Variants in PSMD1 observed in about 807,000 individuals in gnomAD.
The protein encoded by PSMD1 is proteasome 26S subunit, non-ATPase 1, also known as 26S proteasome non-ATPase regulatory subunit 1.
A neutral mutation model predicts 119.0 loss-of-function variants in PSMD1; 18 were observed. The ratio of observed to expected loss-of-function variants is 0.15; its 90% CI spans 0.10 to 0.22. The LOEUF (loss-of-function observed/expected upper bound fraction) is 0.22. PSMD1 is among the 10% of genes least tolerant of loss of function. The probability of loss-of-function intolerance (pLI) is 1.00; values close to 1 mark genes in which losing one functional copy is unlikely to be tolerated. For missense variants in PSMD1, 702 were observed against 1,158.5 expected, an observed-to-expected ratio of 0.61 and a Z score of 5.72; for synonymous variants, 374 against 396.6, an observed-to-expected ratio of 0.94 and a Z score of 0.68.
intron 11 of PSMD1, 85 bp downstream of exon 11, chr2:231,079,699 T>G: frequency 1.2e-6 from 1 of 843,964 alleles, no homozygotes; most frequent in African/African-American, 1.7e-5. Context: ...TTATTATAAT[T>G]CATTAACAAG....
At chr2:231,114,296 T>C (rs1695258154) in intron 16 of PSMD1, among the ~76,000 whole-genome samples, 1 of 152,194 alleles carries the variant, frequency 6.6e-6, no homozygotes, top group East Asian at 1.9e-4. Context: ...AATTTATTTT[T>C]AAGTAGCTGT....
intron 16 of PSMD1, among the ~76,000 whole-genome samples, chr2:231,099,184 G>T (rs1288085621): frequency 6.6e-6 from 1 of 152,104 alleles, no homozygotes; most frequent in Non-Finnish European, 1.5e-5. Context: ...CCCATGCGCT[G>T]GAATTTTTAG....
intron 19 of PSMD1, among the ~76,000 whole-genome samples, chr2:231,160,862 G>A (rs776904387): frequency 2.6e-5 from 4 of 152,178 alleles, no homozygotes; most frequent in Non-Finnish European, 5.9e-5. Flanking sequence ...CTGCACATAT[G>A]AATTGTGCTT....
At chr2:231,098,722 AC>A (rs1694790422) in intron 16 of PSMD1, among the ~76,000 whole-genome samples, 1 of 152,074 alleles carries the variant, frequency 6.6e-6, no homozygotes, top group South Asian at 2.1e-4. Flanking sequence ...ATGGACATTA[AC>A]TCGACCCAAG....
intron 19 of PSMD1, among the ~76,000 whole-genome samples, chr2:231,156,255 G>A (rs1696502437): frequency 6.6e-6 from 1 of 152,060 alleles, no homozygotes; most frequent in Non-Finnish European, 1.5e-5. Flanking sequence ...GTTTCCATAT[G>A]TCCCCTTTGC....
intron 16 of PSMD1, among the ~76,000 whole-genome samples, chr2:231,112,894 G>A (rs1477191456): frequency 1.3e-5 from 2 of 152,154 alleles, no homozygotes; most frequent in Non-Finnish European, 2.9e-5. Context: ...CTTAAGTGCA[G>A]TGACTCACGC....
chr2:231,138,156 T>G (rs1015493274), intron 16 of PSMD1, among the ~76,000 whole-genome samples: 2 of 152,180 alleles, frequency 1.3e-5, no homozygotes, highest in Non-Finnish European at 2.9e-5. Context: ...TTTGTCCTAT[T>G]TTTTATCTTG....
chr2:231,161,833 C>T lies in PSMD1; in HGVS notation c.2388+324C>T, dbSNP rs571878865. 4.6e-5 allele frequency among the ~76,000 whole-genome samples: 7 copies of T among 152,216 alleles called. No homozygotes were observed. In the South Asian group the frequency reaches 6.2e-4, roughly 14 times the overall value. On this transcript the variant is annotated intron_variant, in intron 20 of 24. Coordinates refer to ENST00000308696, the MANE Select transcript of PSMD1 (RefSeq NM_002807.4). Reference sequence around the variant, plus strand: ...TTTAATACTAAAGCCTGGGAACTGTCGAAGGATTTCAAATGATAAATGAAC... The same window carrying T: ...TTTAATACTAAAGCCTGGGAACTGTTGAAGGATTTCAAATGATAAATGAAC...
At chr2:231,113,944 AACAAG>A in intron 16 of PSMD1, 1 of 1,604,522 alleles carries the variant, frequency 6.2e-7, no homozygotes, top group Non-Finnish European at 8.5e-7. Flanking sequence ...AAGAAACAAA[AACAAG>A]ACAAACATTT....
chr2:231,165,859 T>G lies in PSMD1; in HGVS notation c.2569-12T>G, dbSNP rs767655575. On this transcript the variant is annotated splice_polypyrimidine_tract_variant and intron_variant, in intron 22 of 24. Coordinates refer to ENST00000308696, the MANE Select transcript of PSMD1 (RefSeq NM_002807.4). Reference sequence around the variant, plus strand: ...AACTTCTGTTGAACTTTTTTTAAATTTTATTTTATAGGATGAGGCAGAGAA... The same window carrying G: ...AACTTCTGTTGAACTTTTTTTAAATGTTATTTTATAGGATGAGGCAGAGAA... 1.3e-6 allele frequency: 2 copies of G among 1,574,000 alleles called. No individual in the cohort carries two copies. Among genetic ancestry groups the G allele is most frequent in the Non-Finnish European group, 1.7e-6 (2 of 1,159,544 alleles).
At chr2:231,060,286 G>C (rs989527545) in intron 1 of PSMD1, 5 of 152,126 alleles carry the variant, frequency 3.3e-5, no homozygotes, top group Non-Finnish European at 4.4e-5. Flanking sequence ...GGTAAATTTT[G>C]TATCTTTTCC....
intron 18 of PSMD1, among the ~76,000 whole-genome samples, chr2:231,149,292 G>T (rs1028721831): frequency 5.3e-5 from 8 of 152,042 alleles, no homozygotes; most frequent in Non-Finnish European, 1.2e-4. Context: ...TCTTTTTTAG[G>T]TCCTTGGAGC....
intron 19 of PSMD1, 102 bp from the exon 20 acceptor site, chr2:231,161,238 T>TAAA (rs35533383): frequency 1.1e-4 from 105 of 958,938 alleles, no homozygotes; most frequent in Admixed American, 1.5e-4. Flanking sequence ...CCTATCTCTT[T>TAAA]AAAAAAAAAA....
At chr2:231,098,207 G>GT (rs1694771405) in intron 16 of PSMD1, among the ~76,000 whole-genome samples, 2 of 152,252 alleles carry the variant, frequency 1.3e-5, no homozygotes, top group African/African-American at 4.8e-5. Context: ...GCTACAGGTT[G>GT]TAAGTGGCTT....
At position 231,077,141 on chromosome 2, in the gene PSMD1, C is replaced by T; in HGVS notation, c.1050C>T (p.Leu350=). ...TAATACGAAACAATAATACAGACCT[C>T]ATGATTCTAAAAAACACAAAGGTAA... ...QFLIRNNNTD[L]MILKNTKDAV... is the part of the protein sequence containing the mutation. The change falls in exon 9 of 25, where the codon CTC becomes CTT. Residue 350 remains leucine (L), a synonymous_variant. Coordinates refer to ENST00000308696, the MANE Select transcript of PSMD1 (RefSeq NM_002807.4). 6.5e-7 allele frequency: 1 copy of T among 1,537,778 alleles called. No homozygotes were observed. Among genetic ancestry groups the T allele is most frequent in the Non-Finnish European group, 8.8e-7 (1 of 1,138,854 alleles).
intron 16 of PSMD1, among the ~76,000 whole-genome samples, chr2:231,103,109 A>G (rs1444676423): frequency 2.0e-5 from 3 of 152,252 alleles, no homozygotes; most frequent in Non-Finnish European, 4.4e-5. Flanking sequence ...AGTCTTCTCC[A>G]TAATATCCCA....
intron 19 of PSMD1, among the ~76,000 whole-genome samples, chr2:231,160,019 C>T (rs1696599444): frequency 6.6e-6 from 1 of 152,236 alleles, no homozygotes; most frequent in Non-Finnish European, 1.5e-5. Flanking sequence ...ACCTCCTGCT[C>T]TGCAGCCAGG....
At chr2:231,139,121 T>G in intron 17 of PSMD1, 1 of 447,378 alleles carries the variant, frequency 2.2e-6, no homozygotes, top group South Asian at 2.1e-5. Context: ...GTTTTTTGTT[T>G]TTGTTTTTTT....
At chr2:231,104,517 T>C (rs1223297004) in intron 16 of PSMD1, among the ~76,000 whole-genome samples, 1 of 151,598 alleles carries the variant, frequency 6.6e-6, no homozygotes, top group Non-Finnish European at 1.5e-5. Flanking sequence ...TTGACCTGTT[T>C]AAAGAGCTGG....
Sources: allele counts gnomAD v4.1 joint callset (sites outside exome capture counted in the v4.1 genomes callset), GRCh38; gene constraint gnomAD v4.1.1; transcripts MANE v1.5; gene names NCBI Gene and HGNC (gene_info 2026-07-23, HGNC 2026-07-21).